Variants in WDR73 observed in about 807,000 individuals in gnomAD.
The protein encoded by WDR73 is WD repeat domain 73, also known as integrator complex assembly factor WDR73.
A neutral mutation model predicts 38.2 loss-of-function variants in WDR73; 30 were observed. That is an observed-to-expected ratio of 0.79 (90% CI 0.59 to 1.06). The LOEUF (loss-of-function observed/expected upper bound fraction) is 1.06. Among genes scored for constraint, WDR73 ranks in the 50% least tolerant of loss-of-function variants. WDR73 has a pLI of 0.00. For synonymous variants in WDR73, 197 were observed against 176.0 expected (o/e 1.12, Z -0.94); for missense variants, 487 against 467.0 (o/e 1.04, Z -0.40).
intron 5 of WDR73, 167 bp from the exon 6 acceptor site, chr15:84,646,515 T>C: frequency 9.7e-7 from 1 of 1,032,702 alleles, no homozygotes; most frequent in Non-Finnish European, 1.3e-6. Context: ...ATGTTTACAT[T>C]TTTGAAACCA....
In WDR73 at chr15:84,644,575, C is replaced by CTT. The variant is rs397853712; in HGVS notation, c.884-854_884-853dup. ...GCCTGCTGACCTAGCTGGCTTGCTA[C>CTT]TTTTTTTTTTTTTTTTTTTTTTGAG... On this transcript the variant is annotated intron_variant, in intron 7 of 7. Coordinates refer to ENST00000434634, the MANE Select transcript of WDR73 (RefSeq NM_032856.5). 3.0e-3 allele frequency: 330 copies of CTT among 109,562 alleles called. 4 individuals carry two copies. Among genetic ancestry groups the CTT allele is most frequent in the Non-Finnish European group, 3.9e-3 (211 of 53,968 alleles). 6.8% of individuals were successfully genotyped at this position (109,562 alleles called of 1,614,324 possible). A position where few individuals can be genotyped will look rare whatever the true frequency, so the allele number is the denominator to read the frequency against.
intron 7 of WDR73, 61 bp from the exon 8 acceptor site, chr15:84,643,784 T>G (rs1896351647): frequency 2.7e-6 from 4 of 1,478,080 alleles, no homozygotes; most frequent in Admixed American, 5.1e-5. Flanking sequence ...AAAATAATTT[T>G]CTTTCTATTT....
intron 3 of WDR73, 48 bp downstream of exon 3, chr15:84,652,666 A>T: frequency 8.7e-7 from 1 of 1,149,992 alleles, no homozygotes; most frequent in South Asian, 1.6e-5. Flanking sequence ...ACAAATGTTT[A>T]ATAAATAAAT....
chr15:84,652,232 GTTCTC>G (rs1896647344), intron 3 of WDR73, among the ~76,000 whole-genome samples: 1 of 152,074 alleles, frequency 6.6e-6, no homozygotes, highest in African/African-American at 2.4e-5. Flanking sequence ...TTCTTGAGAA[GTTCTC>G]TTCTCTTGGC....
intron 7 of WDR73, chr15:84,645,225 C>T: frequency 7.2e-7 from 1 of 1,391,656 alleles, no homozygotes; most frequent in African/African-American, 1.4e-5. Flanking sequence ...CTGCAGGCCC[C>T]TCCACCAACC....
intron 1 of WDR73, 37 bp downstream of exon 1, chr15:84,654,197 A>C: frequency 6.2e-7 from 1 of 1,613,720 alleles, no homozygotes; most frequent in Non-Finnish European, 8.5e-7. Flanking sequence ...GGCAAGCTCC[A>C]GGCCCAGCTC....
At chr15:84,652,923 G>T (rs1243274739) in intron 2 of WDR73, 121 bp from the exon 3 acceptor site, 4 of 582,420 alleles carry the variant, frequency 6.9e-6, no homozygotes, top group Non-Finnish European at 1.2e-5. Context: ...TTGAGTACCT[G>T]GTTGTGTCTT....
chr15:84,651,104 G>T (rs989392252), intron 3 of WDR73, among the ~76,000 whole-genome samples: 13 of 148,054 alleles, frequency 8.8e-5, no homozygotes, highest in Non-Finnish European at 1.6e-4. Context: ...GACAGAGTGA[G>T]ACCTCAAAAA....
rs1896234916 is a variant in WDR73 at position 84,640,785 on chromosome 15, A to G, written c.*2685T>C. 1 of 152,216 alleles carries G rather than the reference A, an allele frequency of 6.6e-6. No individual in the cohort carries two copies. The highest frequency in any genetic ancestry group is 2.4e-5 in the African/African-American group (1 of 41,452). 9.4% of individuals were successfully genotyped at this position (152,216 alleles called of 1,614,324 possible). A position where few individuals can be genotyped will look rare whatever the true frequency, so the allele number is the denominator to read the frequency against. On this transcript the variant is annotated 3_prime_UTR_variant, in exon 8 of 8. Transcript: ENST00000434634. ...CGTAGATTATACACACCAGTCTGCCATTTAAAAGGTTTGTTGTTCTTGGGC... is the reference window on the plus strand; with the variant it reads ...CGTAGATTATACACACCAGTCTGCCGTTTAAAAGGTTTGTTGTTCTTGGGC...
chr15:84,643,846 G>A, intron 7 of WDR73, 123 bp from the exon 8 acceptor site: 3 of 1,180,352 alleles, frequency 2.5e-6, no homozygotes, highest in Non-Finnish European at 3.4e-6. Context: ...TGAACTCCTA[G>A]CCTCAAGCGA....
Position 84,643,060 on chromosome 15 carries a change from T to G in WDR73, c.*410A>C, listed in dbSNP as rs1896314829. 5.8e-6 allele frequency: 1 copy of G among 173,696 alleles called. No homozygotes were observed. The highest frequency in any genetic ancestry group is 1.2e-5 in the Non-Finnish European group (1 of 81,208). 10.8% of individuals were successfully genotyped at this position (173,696 alleles called of 1,614,324 possible). On this transcript the variant is annotated 3_prime_UTR_variant, in exon 8 of 8. Coordinates refer to ENST00000434634, the MANE Select transcript of WDR73 (RefSeq NM_032856.5). ...AGGAGCAGAAATCCTGTTTTGCTAT[T>G]TCCTTAATTGCTACTAGGGCTGGGA...
rs1161919393 is a variant in WDR73 at position 84,642,596 on chromosome 15, A to T, written c.*874T>A. On this transcript the variant is annotated 3_prime_UTR_variant, in exon 8 of 8. Transcript: ENST00000434634. Reference sequence around the variant, plus strand: ...ACCCTCCCACCTCAGCCTCTTGAATAGCTGGGACTGCAGGCTCATACCACC... The same window carrying T: ...ACCCTCCCACCTCAGCCTCTTGAATTGCTGGGACTGCAGGCTCATACCACC... The T allele has an allele frequency of 6.6e-6, 1 of 151,600 alleles. No homozygotes were observed. The highest frequency in any genetic ancestry group is 6.6e-5 in the Admixed American group (1 of 15,184). 9.4% of individuals were successfully genotyped at this position (151,600 alleles called of 1,614,324 possible).
intron 4 of WDR73, 138 bp from the exon 5 acceptor site, chr15:84,648,092 C>T: frequency 1.3e-6 from 1 of 750,298 alleles, no homozygotes; most frequent in South Asian, 1.5e-5. Context: ...AGGCCAACCA[C>T]CCTCATTTCA....
rs761777545 is a variant in WDR73, at chr15:84,653,871, T to G, written c.42-172A>C. 61 of 640,086 alleles carry G rather than the reference T, an allele frequency of 9.5e-5. 1 individual carries two copies. Among genetic ancestry groups the G allele is most frequent in the Admixed American group, 9.4e-4 (38 of 40,222 alleles). 39.7% of individuals were successfully genotyped at this position (640,086 alleles called of 1,614,324 possible). ...CTGGGACCAGGCCAGTCCCTTGATG[T>G]CCCTGAGCCTCGGTCCTCATGTGTG... On this transcript the variant is annotated intron_variant, in intron 1 of 7. Transcript: ENST00000434634.
chr15:84,650,371 CT>C (rs996774719), intron 3 of WDR73, among the ~76,000 whole-genome samples: 1 of 83,594 alleles, frequency 1.2e-5, no homozygotes, highest in Non-Finnish European at 2.3e-5. Flanking sequence ...TTTTCTTTTT[CT>C]TTTTTTTGAG....
intron 1 of WDR73, chr15:84,654,018 G>T: frequency 1.6e-6 from 1 of 636,956 alleles, no homozygotes; most frequent in Non-Finnish European, 2.7e-6. Flanking sequence ...CACAAGCGCG[G>T]CTCTTACTAG....
intron 3 of WDR73, among the ~76,000 whole-genome samples, chr15:84,649,163 G>A (rs1384358356): frequency 6.6e-6 from 1 of 152,164 alleles, no homozygotes; most frequent in Non-Finnish European, 1.5e-5. Context: ...ACTTATATAA[G>A]GTCATACAAG....
chr15:84,645,769 A>C lies in WDR73; in HGVS notation c.585T>G (p.Cys195Trp), dbSNP rs1896434800. The C allele has an allele frequency of 6.2e-7, 1 of 1,613,258 alleles. No homozygotes were observed. The change falls in exon 7 of 8, where the codon TGT (cysteine) becomes TGG (tryptophan). Residue 195 changes from cysteine to tryptophan, a missense_variant. Cys to Trp is a radical substitution (Grantham distance 215, BLOSUM62 -2). Transcript: ENST00000434634. Reference sequence around the variant, plus strand: ...CAACAAGCCCCAGCCGGCCTGAAGCACAGCAGAAGGCAAAGGTGTCTGCAT... The same window carrying C: ...CAACAAGCCCCAGCCGGCCTGAAGCCCAGCAGAAGGCAAAGGTGTCTGCAT... ...VLDADTFAFC[C>W]ASGRLGLVDT...
chr15:84,639,555 G>T lies in WDR73; in HGVS notation c.*3915C>A, dbSNP rs1057946. The T allele has an allele frequency of 0.14, 20,901 of 152,172 alleles. 1,747 individuals are homozygous for T. The highest frequency in any genetic ancestry group is 0.36 in the East Asian group (1,884 of 5,166). 9.4% of individuals were successfully genotyped at this position (152,172 alleles called of 1,614,324 possible). On this transcript the variant is annotated 3_prime_UTR_variant, in exon 8 of 8. Transcript: ENST00000434634. The stretch of plus-strand genomic sequence containing the variant: ...AGTGAACTCCCACGTGGAGTAGGAT[G>T]AAAACCCACAGCATCTAGATCTTCA...
Sources: gnomAD v4.1 joint callset for allele counts (sites outside exome capture counted in the v4.1 genomes callset) on GRCh38, gnomAD v4.1.1 for gene constraint, MANE v1.5 for transcripts, NCBI Gene and HGNC (gene_info 2026-07-23, HGNC 2026-07-21) for gene names.